BICC1: variants seen among roughly 807,000 people sequenced by gnomAD.
The protein encoded by BICC1 is BicC family RNA binding protein 1, also known as protein bicaudal C homolog 1.
BICC1 carries 43 observed loss-of-function variants against 111.0 expected under a neutral mutation model. That is an observed-to-expected ratio of 0.39 (90% CI 0.30 to 0.50). The LOEUF is 0.50. Among genes scored for constraint, BICC1 ranks in the 20% least tolerant of loss-of-function variants. BICC1 has a pLI of 0.88. For synonymous variants in BICC1, 467 were observed against 434.4 expected (o/e 1.07, Z -0.93); for missense variants, 1,091 against 1,203.2 (o/e 0.91, Z 1.38).
chr10:58,639,119 A>G (rs1244474577), intron 2 of BICC1, among the ~76,000 whole-genome samples: 2 of 152,172 alleles, frequency 1.3e-5, no homozygotes, highest in Admixed American at 6.5e-5. Context: ...ATTTTCAAGT[A>G]TAAAATACAT....
rs545276542 is a variant in BICC1 at position 58,559,711 on chromosome 10, G to A, written c.190+46378G>A. Among the ~76,000 whole-genome samples, 27 of 152,158 alleles carry A rather than the reference G, an allele frequency of 1.8e-4. No homozygotes were observed. In the East Asian group the frequency reaches 4.8e-3, roughly 27 times the overall value. ...TCACATTTCCCTTGTTCAGTATGGC[G>A]TCAGCTATGGGGTTGTCATGTATGG... On this transcript the variant is annotated intron_variant, in intron 1 of 20. Transcript: ENST00000373886.
At chr10:58,604,303 T>C (rs1845138158) in intron 1 of BICC1, among the ~76,000 whole-genome samples, 1 of 152,178 alleles carries the variant, frequency 6.6e-6, no homozygotes, top group Non-Finnish European at 1.5e-5. Flanking sequence ...CTGTTTGATA[T>C]TTAGACTACT....
chr10:58,678,211 G>A (rs760323038), intron 2 of BICC1, among the ~76,000 whole-genome samples: 2 of 152,198 alleles, frequency 1.3e-5, no homozygotes, highest in Non-Finnish European at 2.9e-5. Context: ...AACCTTAAAT[G>A]TAAATGGGCT....
rs2893786 is a variant in BICC1, at chr10:58,814,434, A to G, written c.2533+448A>G. 3.6e-3 allele frequency: 1,278 copies of G among 350,298 alleles called. 4 individuals are homozygous for G. Among genetic ancestry groups the G allele is most frequent in the Middle Eastern group, 6.7e-3 (8 of 1,194 alleles). The allele number at this position is 350,298 out of a possible 1,614,324, so 21.7% of individuals were successfully genotyped here. A position where few individuals can be genotyped will look rare whatever the true frequency, so the allele number is the denominator to read the frequency against. ...AAAAGTTTGTGAAATGAATGCATGA[A>G]TGGGTAATGTACACACATGCATCCA... On this transcript the variant is annotated intron_variant, in intron 18 of 20. Coordinates refer to ENST00000373886, the MANE Select transcript of BICC1 (RefSeq NM_001080512.3).
intron 3 of BICC1, among the ~76,000 whole-genome samples, chr10:58,729,598 A>G (rs1319310049): frequency 1.3e-5 from 2 of 152,194 alleles, no homozygotes; most frequent in Non-Finnish European, 2.9e-5. Context: ...AAGAGGTTTA[A>G]TTGGCTCATG....
At chr10:58,689,058 CAT>C (rs1401448726) in intron 2 of BICC1, among the ~76,000 whole-genome samples, 2 of 152,040 alleles carry the variant, frequency 1.3e-5, no homozygotes, top group Non-Finnish European at 2.9e-5. Context: ...AACAAGAAAA[CAT>C]GTATTAAGAA....
chr10:58,682,852 GTTTC>G (rs1189503831), intron 2 of BICC1, among the ~76,000 whole-genome samples: 2 of 152,174 alleles, frequency 1.3e-5, no homozygotes, highest in Non-Finnish European at 2.9e-5. Context: ...TCTGATGGTA[GTTTC>G]TTTTGCTGTG....
intron 1 of BICC1, among the ~76,000 whole-genome samples, chr10:58,589,327 C>T (rs1844529157): frequency 6.6e-6 from 1 of 152,192 alleles, no homozygotes; most frequent in South Asian, 2.1e-4. Flanking sequence ...GTCTAAAACA[C>T]ATGGGTAGAA....
rs189505718 is a variant in BICC1 at position 58,808,792 on chromosome 10, G to A, written c.2376+1634G>A. The stretch of plus-strand genomic sequence containing the variant: ...GTGCAGTGGCACGATCTCGGCTCAC[G>A]GCAACCACCATCTCCTGGGTTCAGG... On this transcript the variant is annotated intron_variant, in intron 17 of 20. Coordinates refer to ENST00000373886, the MANE Select transcript of BICC1 (RefSeq NM_001080512.3). 1.0e-4 allele frequency among the ~76,000 whole-genome samples: 15 copies of A among 149,744 alleles called. No homozygotes were observed. In the East Asian group the frequency reaches 1.6e-3, roughly 16 times the overall value.
chr10:58,704,833 G>A (rs529111567), intron 3 of BICC1, among the ~76,000 whole-genome samples: 1 of 152,302 alleles, frequency 6.6e-6, no homozygotes, highest in South Asian at 2.1e-4. Flanking sequence ...TCACTTTGGA[G>A]TTTCTAAAAT....
At chr10:58,539,770 A>G (rs1323458749) in intron 1 of BICC1, among the ~76,000 whole-genome samples, 4 of 151,980 alleles carry the variant, frequency 2.6e-5, no homozygotes, top group African/African-American at 9.7e-5. Flanking sequence ...GAATAATGCT[A>G]TAGACCAATT....
At chr10:58,819,921 A>G (rs947312976) in intron 19 of BICC1, among the ~76,000 whole-genome samples, 9 of 152,146 alleles carry the variant, frequency 5.9e-5, no homozygotes, top group African/African-American at 2.2e-4. Flanking sequence ...TGAACTGTAG[A>G]TCTGATTGTG....
rs1843126062 is a variant in BICC1 at position 58,789,909 on chromosome 10, C to G, written c.1023C>G (p.Val341=). 6.2e-7 allele frequency: 1 copy of G among 1,614,016 alleles called. No homozygotes were observed. The highest frequency in any genetic ancestry group is 1.3e-5 in the African/African-American group (1 of 74,926). ...TVYLQGTIES[V]CLARQYLMGC... ...ACCTCCAGGGCACCATTGAGTCTGTCTGTCTTGCAAGGCAATATCTCATGG... is the reference window on the plus strand; with the variant it reads ...ACCTCCAGGGCACCATTGAGTCTGTGTGTCTTGCAAGGCAATATCTCATGG... Residue 341 remains valine, a synonymous_variant, in exon 8 of 21, where the codon GTC becomes GTG. Coordinates refer to ENST00000373886, the MANE Select transcript of BICC1 (RefSeq NM_001080512.3).
At chr10:58,594,149 A>G (rs1844730277) in intron 1 of BICC1, among the ~76,000 whole-genome samples, 1 of 151,962 alleles carries the variant, frequency 6.6e-6, no homozygotes, top group Non-Finnish European at 1.5e-5. Context: ...AACTTAATGA[A>G]ATAAAAAGAG....
intron 10 of BICC1, 134 bp downstream of exon 10, chr10:58,796,660 C>T: frequency 1.3e-6 from 1 of 795,224 alleles, no homozygotes. Flanking sequence ...GATGAAAAGC[C>T]ATACAACCTG....
At chr10:58,628,633 G>A (rs1372690524) in intron 2 of BICC1, among the ~76,000 whole-genome samples, 2 of 152,084 alleles carry the variant, frequency 1.3e-5, no homozygotes, top group East Asian at 3.9e-4. Context: ...CATTTTAAAA[G>A]TGGCAACAAT....
At chr10:58,533,810 A>C (rs576911026) in intron 1 of BICC1, among the ~76,000 whole-genome samples, 158 of 151,948 alleles carry the variant, frequency 1.0e-3, no homozygotes, top group African/African-American at 3.7e-3. Flanking sequence ...AAAGAAAAGC[A>C]TGTCACTACA....
intron 18 of BICC1, among the ~76,000 whole-genome samples, chr10:58,815,499 A>T (rs542303185): frequency 1.3e-5 from 2 of 152,226 alleles, no homozygotes; most frequent in African/African-American, 4.8e-5. Flanking sequence ...CTCTTTTTCT[A>T]TCTTTATCTC....
chr10:58,642,539 A>G (rs1272837974), intron 2 of BICC1, among the ~76,000 whole-genome samples: 3 of 152,192 alleles, frequency 2.0e-5, no homozygotes, highest in Admixed American at 6.5e-5. Context: ...CTCAACGTCT[A>G]GCTGTGCAGT....
Sources: gnomAD v4.1 joint callset for allele counts (sites outside exome capture counted in the v4.1 genomes callset) on GRCh38, gnomAD v4.1.1 for gene constraint, MANE v1.5 for transcripts, NCBI Gene and HGNC (gene_info 2026-07-23, HGNC 2026-07-21) for gene names.